NR1D2: variants seen among roughly 807,000 people sequenced by gnomAD.
The protein encoded by NR1D2 is nuclear receptor subfamily 1 group D member 2, also known as V-erbA-related protein 1-related.
Under a neutral mutation model 52.2 loss-of-function variants are expected in NR1D2, and 25 were observed. The ratio of observed to expected loss-of-function variants is 0.48; its 90% CI spans 0.35 to 0.67. The LOEUF is 0.67. Ranked by LOEUF, NR1D2 falls within the 30% of genes least tolerant of loss-of-function variation. The pLI is 0.01. For missense variants in NR1D2, 681 were observed against 707.2 expected, an observed-to-expected ratio of 0.96 and a Z score of 0.42; for synonymous variants, 259 against 230.1, an observed-to-expected ratio of 1.13 and a Z score of -1.14.
intron 1 of NR1D2, among the ~76,000 whole-genome samples, chr3:23,950,903 T>TTTTTCTTTTTC (rs202243042): frequency 1.4e-5 from 1 of 73,296 alleles, no homozygotes; most frequent in African/African-American, 6.8e-5. Flanking sequence ...TTTCTTTTTC[T>TTTTTCTTTTTC]TTTTTTTTTT....
chr3:23,958,688 C>T (rs1226128073), intron 3 of NR1D2, among the ~76,000 whole-genome samples: 1 of 149,178 alleles, frequency 6.7e-6, no homozygotes, highest in South Asian at 2.1e-4. Context: ...TGGCTCGTGC[C>T]TGTAATCCTA....
intron 3 of NR1D2, 91 bp downstream of exon 3, chr3:23,956,216 GAGAC>G: frequency 1.1e-6 from 1 of 950,006 alleles, no homozygotes; most frequent in Non-Finnish European, 1.7e-6. Flanking sequence ...GATAGTCTGA[GAGAC>G]AGTGAGAAGT....
intron 6 of NR1D2, 80 bp downstream of exon 6, chr3:23,965,242 T>TG: frequency 9.1e-7 from 1 of 1,094,500 alleles, no homozygotes; most frequent in Non-Finnish European, 1.3e-6. Context: ...ATTCTTTTTT[T>TG]TTTTTTTTTT....
At chr3:23,949,003 T>G (rs898103039) in intron 1 of NR1D2, among the ~76,000 whole-genome samples, 3 of 152,172 alleles carry the variant, frequency 2.0e-5, no homozygotes, top group Admixed American at 2.0e-4. Context: ...TTCCAGACAT[T>G]AGATTACACC....
intron 7 of NR1D2, among the ~76,000 whole-genome samples, chr3:23,976,741 A>G (rs1706733767): frequency 6.6e-6 from 1 of 152,202 alleles, no homozygotes; most frequent in Admixed American, 6.5e-5. Context: ...TAGTAAGTCT[A>G]GGTCCACTTA....
rs373117007 is a variant in NR1D2, at chr3:23,961,474, C to A, written c.518-503C>A. 5.1e-4 allele frequency among the ~76,000 whole-genome samples: 74 copies of A among 144,296 alleles called. 4 individuals carry two copies. The South Asian group carries it at 0.016, about 31-fold the overall frequency. The allele number at this position is 144,296 out of a possible 152,430, so 94.7% of individuals were successfully genotyped here. On this transcript the variant is annotated intron_variant, in intron 4 of 7. Coordinates refer to ENST00000312521, the MANE Select transcript of NR1D2 (RefSeq NM_005126.5). ...GCATTGGCACCATCTCGACGCACTGCAACCTCTGCCTCCTGGGTTCAAGCG... is the reference window on the plus strand; with the variant it reads ...GCATTGGCACCATCTCGACGCACTGAAACCTCTGCCTCCTGGGTTCAAGCG...
At chr3:23,964,227 GC>G (rs1383346998) in intron 5 of NR1D2, among the ~76,000 whole-genome samples, 1 of 152,062 alleles carries the variant, frequency 6.6e-6, no homozygotes, top group Non-Finnish European at 1.5e-5. Context: ...ACAGGCGCAA[GC>G]CACCACGTCT....
At chr3:23,956,200 G>A in intron 3 of NR1D2, 75 bp downstream of exon 3, 2 of 1,145,050 alleles carry the variant, frequency 1.7e-6, no homozygotes, top group Non-Finnish European at 2.7e-6. Flanking sequence ...ACCCATTTGT[G>A]CAATTGATAG....
chr3:23,953,297 T>C (rs147637298), intron 1 of NR1D2, among the ~76,000 whole-genome samples: 4,628 of 137,460 alleles, frequency 0.034, 108 homozygotes, highest in Middle Eastern at 0.097. Flanking sequence ...AAGTCGAGAT[T>C]GTGACACTGC....
intron 5 of NR1D2, among the ~76,000 whole-genome samples, chr3:23,964,231 C>A (rs1706377538): frequency 1.3e-5 from 2 of 152,192 alleles, no homozygotes; most frequent in South Asian, 4.2e-4. Context: ...GCGCAAGCCA[C>A]CACGTCTGGC....
chr3:23,953,026 T>G (rs923201565), intron 1 of NR1D2, among the ~76,000 whole-genome samples: 1 of 151,872 alleles, frequency 6.6e-6, no homozygotes, highest in African/African-American at 2.4e-5. Flanking sequence ...AGCATTTTGC[T>G]TTGTGGATTT....
intron 6 of NR1D2, among the ~76,000 whole-genome samples, chr3:23,967,564 C>T (rs1171906773): frequency 6.6e-6 from 1 of 151,910 alleles, no homozygotes; most frequent in Non-Finnish European, 1.5e-5. Flanking sequence ...TGCAGTGAGC[C>T]AAGATCATGC....
chr3:23,969,658 C>T (rs1706537309), intron 7 of NR1D2, among the ~76,000 whole-genome samples: 2 of 152,176 alleles, frequency 1.3e-5, no homozygotes, highest in Non-Finnish European at 1.5e-5. Context: ...CTATTAGGTG[C>T]TCAGGGGGAG....
intron 7 of NR1D2, 103 bp downstream of exon 7, chr3:23,968,126 A>G: frequency 1.2e-6 from 1 of 843,266 alleles, no homozygotes; most frequent in Non-Finnish European, 2.0e-6. Context: ...AGAGGGAATA[A>G]GGCCTTAAGG....
At chr3:23,955,881 A>T (rs1706069870) in intron 2 of NR1D2, among the ~76,000 whole-genome samples, 156 bp from the exon 3 acceptor site, 1 of 152,218 alleles carries the variant, frequency 6.6e-6, no homozygotes, top group Non-Finnish European at 1.5e-5. Context: ...GATTGTGATT[A>T]CTTTTGATTT....
chr3:23,951,465 G>T (rs1429995859), intron 1 of NR1D2, among the ~76,000 whole-genome samples: 1 of 152,222 alleles, frequency 6.6e-6, no homozygotes, highest in Non-Finnish European at 1.5e-5. Context: ...CCTATTGTGA[G>T]TGGAGACATC....
chr3:23,977,408 G>A lies in NR1D2; in HGVS notation c.1729G>A (p.Val577Ile). The change falls in exon 8 of 8, where the codon GTT (valine) becomes ATT (isoleucine). Residue 577 changes from valine to isoleucine, a missense_variant. Val to Ile is a conservative substitution (Grantham distance 29). Around this residue, in one of 3 missense-constraint regions of NR1D2, gnomAD observed 475 missense variants for 454.5 expected, o/e 1.05. Coordinates refer to ENST00000312521, the MANE Select transcript of NR1D2 (RefSeq NM_005126.5). ...CTCTGAGGAGCTCTTGGCCTTTAAA[G>A]TTCACCCTTAAGGCCTTTGTTTATT... ...MHSEELLAFK[V>I]HP 6.3e-7 allele frequency: 1 copy of A among 1,597,896 alleles called. No homozygotes were observed. The highest frequency in any genetic ancestry group is 8.5e-7 in the Non-Finnish European group (1 of 1,174,104).
chr3:23,946,397 G>A (rs1380387077), intron 1 of NR1D2: 1 of 684,912 alleles, frequency 1.5e-6, no homozygotes, highest in Non-Finnish European at 1.8e-6. Context: ...GGAAGGCGTG[G>A]GGCTTTCCCG....
intron 1 of NR1D2, among the ~76,000 whole-genome samples, chr3:23,951,004 C>T (rs184319075): frequency 1.3e-5 from 2 of 149,048 alleles, no homozygotes; most frequent in African/African-American, 5.0e-5. Flanking sequence ...CTCCCGGGTT[C>T]AAGTGATTCT....
Sources: allele counts gnomAD v4.1 joint callset (sites outside exome capture counted in the v4.1 genomes callset), GRCh38; gene constraint gnomAD v4.1.1; regional missense constraint gnomAD v4.1.1; transcripts MANE v1.5; gene names NCBI Gene and HGNC (gene_info 2026-07-23, HGNC 2026-07-21).